ITGA1: variants seen among roughly 807,000 people sequenced by gnomAD.
ITGA1 encodes integrin subunit alpha 1.
In ITGA1, 85 loss-of-function variants were observed where a neutral mutation model predicts 145.9. That is an observed-to-expected ratio of 0.58 (90% CI 0.49 to 0.70). ITGA1 has a LOEUF of 0.70. Among genes scored for constraint, ITGA1 ranks in the 30% least tolerant of loss-of-function variants. ITGA1 has a pLI of 0.00. For missense variants in ITGA1, 1,351 were observed against 1,418.7 expected (o/e 0.95, Z 0.77); for synonymous variants, 520 against 495.3 (o/e 1.05, Z -0.66).
chr5:52,947,548 T>TA, intron 28 of ITGA1, 87 bp downstream of exon 28: 2 of 768,680 alleles, frequency 2.6e-6, no homozygotes, highest in Non-Finnish European at 4.5e-6. Context: ...GACTATGTAA[T>TA]ATAGTATTAT....
chr5:52,809,502 CTTT>C (rs59067853), intron 1 of ITGA1, among the ~76,000 whole-genome samples: 1 of 122,428 alleles, frequency 8.2e-6, no homozygotes, highest in African/African-American at 3.0e-5. Flanking sequence ...CTCAACTTTA[CTTT>C]TTTTTTTTTT....
At chr5:52,792,688 G>A (rs1748265127) in intron 1 of ITGA1, among the ~76,000 whole-genome samples, 1 of 152,060 alleles carries the variant, frequency 6.6e-6, no homozygotes, top group Admixed American at 6.6e-5. Flanking sequence ...GAATAAAGTA[G>A]CTCATGTTTA....
rs991172154 is a variant in ITGA1 at position 52,920,486 on chromosome 5, C to T, written c.2292+18C>T. On this transcript the variant is annotated intron_variant, in intron 17 of 28. Transcript: ENST00000282588. Reference sequence around the variant, plus strand: ...ACATGTTGGCAAGTAAATCATATATCGTTGCTGCCTTATTCCAAATCAAGA... The same window carrying T: ...ACATGTTGGCAAGTAAATCATATATTGTTGCTGCCTTATTCCAAATCAAGA... The T allele has an allele frequency of 1.5e-5, 23 of 1,571,636 alleles. No homozygotes were observed. The highest frequency in any genetic ancestry group is 2.7e-5 in the African/African-American group (2 of 72,902).
chr5:52,856,846 G>C (rs1364629294), intron 2 of ITGA1, among the ~76,000 whole-genome samples: 1 of 152,136 alleles, frequency 6.6e-6, no homozygotes, highest in African/African-American at 2.4e-5. Context: ...GATTGAATAG[G>C]TATTCCCCTA....
chr5:52,927,093 A>G (rs1750823643), intron 19 of ITGA1, among the ~76,000 whole-genome samples: 2 of 152,202 alleles, frequency 1.3e-5, no homozygotes, highest in South Asian at 2.1e-4. Context: ...ATATGACTAA[A>G]CCACTTGATA....
chr5:52,926,330 T>C (rs1032512399), intron 19 of ITGA1, among the ~76,000 whole-genome samples: 1 of 152,078 alleles, frequency 6.6e-6, no homozygotes, highest in African/African-American at 2.4e-5. Context: ...AGGCTGGGCA[T>C]GGTGGCTCAT....
chr5:52,792,603 C>T lies in ITGA1; in HGVS notation c.61+4189C>T, dbSNP rs115561787. Among the ~76,000 whole-genome samples, 552 of 152,228 alleles carry T rather than the reference C, an allele frequency of 3.6e-3. 4 individuals carry two copies. Among genetic ancestry groups the T allele is most frequent in the African/African-American group, 0.012 (519 of 41,562 alleles). On this transcript the variant is annotated intron_variant, in intron 1 of 28. Coordinates refer to ENST00000282588, the MANE Select transcript of ITGA1 (RefSeq NM_181501.2). ...AGATAGATGCTCCTCTAACATGTTC[C>T]TCCACTTCCAACCCAATAAACTTCC... is the stretch of plus-strand genomic sequence containing the variant.
chr5:52,872,521 C>T (rs944269080), intron 6 of ITGA1, among the ~76,000 whole-genome samples: 14 of 151,740 alleles, frequency 9.2e-5, no homozygotes, highest in African/African-American at 2.4e-4. Flanking sequence ...CATCTGACCA[C>T]CTGGCCCAGC....
In ITGA1 at chr5:52,893,817, G is replaced by A; in HGVS notation, c.1067G>A (p.Gly356Glu). 1.2e-6 allele frequency: 2 copies of A among 1,611,542 alleles called. No individual in the cohort carries two copies. Among genetic ancestry groups the A allele is most frequent in the Non-Finnish European group, 8.5e-7 (1 of 1,178,412 alleles). The change falls in exon 9 of 29, where the codon GGA (glycine) becomes GAA (glutamate). Residue 356 changes from glycine to glutamate, a missense_variant. Coordinates refer to ENST00000282588, the MANE Select transcript of ITGA1 (RefSeq NM_181501.2). Reference protein sequence around the residue: ...LALVTIVKTLGERIFALEATA... With the variant: ...LALVTIVKTLEERIFALEATA... ...CTAGTCACCATTGTTAAAACTCTGG[G>A]AGAAAGAATATTTGCCCTGGAAGGT...
At chr5:52,842,260 G>T (rs558578832) in intron 1 of ITGA1, among the ~76,000 whole-genome samples, 1 of 152,140 alleles carries the variant, frequency 6.6e-6, no homozygotes, top group Non-Finnish European at 1.5e-5. Context: ...GGTGTCATCT[G>T]TACTCCTCCT....
intron 13 of ITGA1, 111 bp from the exon 14 acceptor site, chr5:52,910,033 GAAATTTTACCAACTTTAC>G: frequency 1.1e-6 from 1 of 893,398 alleles, no homozygotes; most frequent in Non-Finnish European, 1.7e-6. Context: ...CACTTTTTAA[GAAATTTTACCAACTTTAC>G]CACTAATGTA....
chr5:52,873,616 T>A (rs991671304), intron 6 of ITGA1, among the ~76,000 whole-genome samples: 1 of 152,236 alleles, frequency 6.6e-6, no homozygotes, highest in Non-Finnish European at 1.5e-5. Context: ...AACAGTTAAC[T>A]GGGATTGTAT....
chr5:52,853,215 C>T (rs1197710065), intron 2 of ITGA1, among the ~76,000 whole-genome samples: 2 of 152,108 alleles, frequency 1.3e-5, no homozygotes, highest in Non-Finnish European at 2.9e-5. Flanking sequence ...ATTACAAATA[C>T]CTAAATTTCC....
chr5:52,855,874 A>G (rs1392620324), intron 2 of ITGA1, among the ~76,000 whole-genome samples: 2 of 152,088 alleles, frequency 1.3e-5, no homozygotes, highest in Non-Finnish European at 2.9e-5. Context: ...AAATACAGAA[A>G]ATTAGCAGTC....
chr5:52,848,287 A>G (rs1186941208), intron 1 of ITGA1, among the ~76,000 whole-genome samples: 2 of 152,156 alleles, frequency 1.3e-5, no homozygotes, highest in African/African-American at 4.8e-5. Flanking sequence ...GACAACATCT[A>G]TTTTTATAAA....
intron 1 of ITGA1, chr5:52,800,310 GC>G (rs1375178769): frequency 2.0e-6 from 3 of 1,494,212 alleles, no homozygotes; most frequent in Admixed American, 3.6e-5. Context: ...CCCCTTCCTG[GC>G]CTGCATTCCC....
At chr5:52,841,268 T>C (rs529010983) in intron 1 of ITGA1, among the ~76,000 whole-genome samples, 1 of 152,334 alleles carries the variant, frequency 6.6e-6, no homozygotes, top group South Asian at 2.1e-4. Flanking sequence ...GAGTTGGATA[T>C]ATTATTTTTT....
At chr5:52,855,056 C>T (rs557539885) in intron 2 of ITGA1, among the ~76,000 whole-genome samples, 1 of 152,298 alleles carries the variant, frequency 6.6e-6, no homozygotes, top group East Asian at 1.9e-4. Flanking sequence ...GTTTATAAAA[C>T]AATGTGCCTG....
intron 28 of ITGA1, among the ~76,000 whole-genome samples, chr5:52,950,523 A>G (rs560973213): frequency 6.6e-6 from 1 of 152,324 alleles, no homozygotes; most frequent in East Asian, 1.9e-4. Context: ...CACAGGAAGG[A>G]AAAAATGAAA....
Sources: allele counts gnomAD v4.1 joint callset (sites outside exome capture counted in the v4.1 genomes callset), GRCh38; gene constraint gnomAD v4.1.1; transcripts MANE v1.5; gene names NCBI Gene and HGNC (gene_info 2026-07-23, HGNC 2026-07-21).